The following CEP85L variants were observed in gnomAD, a reference collection of about 807,000 sequenced individuals.
The protein encoded by CEP85L is centrosomal protein 85L, also known as centrosomal protein of 85 kDa-like.
A neutral mutation model predicts 100.3 loss-of-function variants in CEP85L; 60 were observed. The observed-to-expected ratio is 0.60, with a 90% confidence interval of 0.49 to 0.74. The LOEUF (loss-of-function observed/expected upper bound fraction) is 0.74. Among genes scored for constraint, CEP85L ranks in the 30% least tolerant of loss-of-function variants. The pLI is 0.00. For missense variants in CEP85L, 973 were observed against 936.2 expected (o/e 1.04, Z -0.51); for synonymous variants, 319 against 322.7 (o/e 0.99, Z 0.12).
intron 5 of CEP85L, among the ~76,000 whole-genome samples, chr6:118,499,936 G>A (rs941269209): frequency 6.6e-6 from 1 of 152,092 alleles, no homozygotes; most frequent in Non-Finnish European, 1.5e-5. Context: ...GGAAAGGAAG[G>A]AAGAAATAAA....
intron 5 of CEP85L, chr6:118,502,646 A>C: frequency 4.3e-6 from 2 of 470,144 alleles, no homozygotes; most frequent in Admixed American, 6.1e-5. Context: ...GAGACCAACA[A>C]ATTGCTCAGG....
chr6:118,553,931 G>A (rs981178632), intron 3 of CEP85L, among the ~76,000 whole-genome samples: 8 of 152,144 alleles, frequency 5.3e-5, no homozygotes, highest in Admixed American at 1.3e-4. Flanking sequence ...GAAAATATTA[G>A]AGCTTACATG....
chr6:118,470,030 G>A (rs1562169984), intron 11 of CEP85L, among the ~76,000 whole-genome samples: 1 of 151,990 alleles, frequency 6.6e-6, no homozygotes, highest in Non-Finnish European at 1.5e-5. Context: ...ACTACTTTTT[G>A]CATATTGGTG....
chr6:118,677,572 C>A (rs1434669280), intron 1 of CEP85L, among the ~76,000 whole-genome samples: 1 of 152,192 alleles, frequency 6.6e-6, no homozygotes, highest in African/African-American at 2.4e-5. Context: ...TCATCCTGAT[C>A]TCCCAATACA....
chr6:118,550,777 A>G (rs1159832841), intron 3 of CEP85L, among the ~76,000 whole-genome samples: 2 of 151,962 alleles, frequency 1.3e-5, no homozygotes, highest in Non-Finnish European at 2.9e-5. Context: ...TCTAAAAGGC[A>G]AAAGGCAAAT....
chr6:118,568,396 G>T (rs1288010966), intron 2 of CEP85L, among the ~76,000 whole-genome samples: 1 of 152,306 alleles, frequency 6.6e-6, no homozygotes, highest in South Asian at 2.1e-4. Flanking sequence ...AACTTCTGCT[G>T]ACTGAAAACA....
intron 3 of CEP85L, among the ~76,000 whole-genome samples, chr6:118,541,389 AGT>A (rs1777896936): frequency 6.6e-6 from 1 of 152,266 alleles, no homozygotes; most frequent in Non-Finnish European, 1.5e-5. Context: ...AGCGTAATTA[AGT>A]TGCCAGTAAA....
At chr6:118,687,449 C>T (rs1338558947) in intron 1 of CEP85L, among the ~76,000 whole-genome samples, 2 of 152,188 alleles carry the variant, frequency 1.3e-5, no homozygotes, top group South Asian at 2.1e-4. Flanking sequence ...AAGGTGACCG[C>T]TTCCACCTTT....
intron 1 of CEP85L, among the ~76,000 whole-genome samples, chr6:118,688,878 T>C (rs1776934689): frequency 1.3e-5 from 2 of 152,242 alleles, no homozygotes; most frequent in South Asian, 2.1e-4. Context: ...CCTAGAGCCA[T>C]TGGGCATGTG....
intron 2 of CEP85L, among the ~76,000 whole-genome samples, chr6:118,594,863 A>AC (rs951843075): frequency 6.9e-6 from 1 of 145,326 alleles, no homozygotes; most frequent in Non-Finnish European, 1.5e-5. Flanking sequence ...CAAAAAAAAA[A>AC]AAACAAACAA....
At chr6:118,602,281 T>G (rs73766579) in intron 2 of CEP85L, among the ~76,000 whole-genome samples, 4,118 of 152,264 alleles carry the variant, frequency 0.027, 191 homozygotes, top group African/African-American at 0.093. Flanking sequence ...TTTATGAAAA[T>G]ATTCAGTAAG....
intron 1 of CEP85L, among the ~76,000 whole-genome samples, chr6:118,705,910 C>T (rs1028668409): frequency 1.3e-5 from 2 of 152,270 alleles, no homozygotes; most frequent in East Asian, 1.9e-4. Context: ...AATTCTTTCT[C>T]TGACCTCTTG....
rs778435970 is a variant in CEP85L, at chr6:118,686,164, G to A, written c.-28+23872C>T. ...GTGGAGATGGAGGGTCCATGTGCTC[G>A]GAAGATATATGTTCTAAATGTAGCA... On this transcript the variant is annotated intron_variant, in intron 1 of 13. Transcript: ENST00000368488. Among the ~76,000 whole-genome samples, 104 of 151,838 alleles carry A rather than the reference G, an allele frequency of 6.8e-4. 2 individuals carry two copies. The highest frequency in any genetic ancestry group is 8.5e-4 in the Non-Finnish European group (58 of 67,966).
chr6:118,587,615 C>G (rs150904873), intron 2 of CEP85L, among the ~76,000 whole-genome samples: 174 of 152,242 alleles, frequency 1.1e-3, no homozygotes, highest in African/African-American at 4.0e-3. Flanking sequence ...AACTCCCCCC[C>G]ACCCATGGAA....
In CEP85L at chr6:118,519,747, T is replaced by G. The variant is rs371207585; in HGVS notation, c.1139+4055A>C. ...AGGGTCAGGAGTCTTCACTGAAGAATTCTGCTGAAAGTTTAGGAAATAAAA... is the reference window on the plus strand; with the variant it reads ...AGGGTCAGGAGTCTTCACTGAAGAAGTCTGCTGAAAGTTTAGGAAATAAAA... On this transcript the variant is annotated intron_variant, in intron 4 of 12. Transcript: ENST00000368491. 2.6e-5 allele frequency among the ~76,000 whole-genome samples: 4 copies of G among 152,186 alleles called. No individual in the cohort carries two copies. The East Asian group carries it at 5.8e-4, about 22-fold the overall frequency.
intron 3 of CEP85L, among the ~76,000 whole-genome samples, chr6:118,534,901 T>C (rs1054980175): frequency 1.3e-5 from 2 of 152,012 alleles, no homozygotes; most frequent in Non-Finnish European, 2.9e-5. Flanking sequence ...ACACCTGTAA[T>C]CCCAGCTACT....
intron 2 of CEP85L, among the ~76,000 whole-genome samples, chr6:118,593,667 T>A (rs1781312374): frequency 6.9e-6 from 1 of 145,662 alleles, no homozygotes; most frequent in South Asian, 2.2e-4. Flanking sequence ...GGGCAGCGCA[T>A]CGCAATAATG....
intron 1 of CEP85L, among the ~76,000 whole-genome samples, chr6:118,707,581 T>C (rs901144574): frequency 1.3e-5 from 2 of 152,228 alleles, no homozygotes; most frequent in Non-Finnish European, 2.9e-5. Context: ...TTAAACTTCA[T>C]TTTCTGTTAT....
chr6:118,708,161 G>A (rs1174355952), intron 1 of CEP85L, among the ~76,000 whole-genome samples: 3 of 152,118 alleles, frequency 2.0e-5, no homozygotes, highest in South Asian at 2.1e-4. Flanking sequence ...TATTAAGTTC[G>A]GACTATATTG....
Sources: gnomAD v4.1 joint callset for allele counts (sites outside exome capture counted in the v4.1 genomes callset) on GRCh38, gnomAD v4.1.1 for gene constraint, MANE v1.5 for transcripts, NCBI Gene and HGNC (gene_info 2026-07-23, HGNC 2026-07-21) for gene names.